Variants in CNTLN observed in about 807,000 individuals in gnomAD.
The protein encoded by CNTLN is centlein.
In CNTLN, 212 loss-of-function variants were observed where a neutral mutation model predicts 180.0. The observed-to-expected ratio is 1.18, with a 90% CI of 1.05 to 1.32. The LOEUF (loss-of-function observed/expected upper bound fraction) is 1.32, where lower values mean the gene tolerates loss of function less well. CNTLN is among the 40% of genes most tolerant of loss of function. The pLI is 0.00. For synonymous variants in CNTLN, 722 were observed against 563.1 expected (o/e 1.28, Z -3.99); for missense variants, 2,095 against 1,610.9 (o/e 1.30, Z -5.14).
intron 2 of CNTLN, among the ~76,000 whole-genome samples, chr9:17,177,176 G>A (rs1486762436): frequency 1.3e-5 from 2 of 152,160 alleles, no homozygotes; most frequent in Admixed American, 6.5e-5. Context: ...TTGGGAGGCT[G>A]AGGCAGGCAG....
At chr9:17,257,882 T>A (rs1826630694) in intron 5 of CNTLN, among the ~76,000 whole-genome samples, 1 of 141,524 alleles carries the variant, frequency 7.1e-6, no homozygotes, top group Non-Finnish European at 1.5e-5. Flanking sequence ...TATTAGCCCT[T>A]TGTCAGATGA....
intron 16 of CNTLN, among the ~76,000 whole-genome samples, chr9:17,413,631 G>T (rs1337382307): frequency 1.3e-5 from 2 of 152,096 alleles, no homozygotes; most frequent in Non-Finnish European, 2.9e-5. Flanking sequence ...ACCAAAAAAG[G>T]ATATACGGAT....
At chr9:17,191,827 G>C (rs936340385) in intron 2 of CNTLN, among the ~76,000 whole-genome samples, 3 of 152,160 alleles carry the variant, frequency 2.0e-5, no homozygotes, top group African/African-American at 7.2e-5. Context: ...AAACAGAAAA[G>C]AAAAACATGA....
rs188349671 is a variant in CNTLN at position 17,309,998 on chromosome 9, A to T, written c.1341+746A>T. On this transcript the variant is annotated intron_variant, in intron 8 of 25. Coordinates refer to ENST00000380647, the MANE Select transcript of CNTLN (RefSeq NM_017738.4). ...TAACCTTATGACAACAATTTTTAAA[A>T]TTGTACCATATTGTATGCATTTTTT... 2.0e-3 allele frequency among the ~76,000 whole-genome samples: 311 copies of T among 152,230 alleles called. 1 individual carries two copies. Among genetic ancestry groups the T allele is most frequent in the African/African-American group, 7.2e-3 (298 of 41,562 alleles).
intron 23 of CNTLN, among the ~76,000 whole-genome samples, chr9:17,474,658 C>T (rs1402505261): frequency 2.0e-5 from 3 of 152,192 alleles, no homozygotes; most frequent in Middle Eastern, 6.8e-3. Context: ...CACTTGAAGC[C>T]AGGAGTTCAA....
chr9:17,375,854 C>A (rs1318800773), intron 13 of CNTLN, among the ~76,000 whole-genome samples: 1 of 152,034 alleles, frequency 6.6e-6, no homozygotes, highest in African/African-American at 2.4e-5. Flanking sequence ...TTTATTAAAG[C>A]CAAGATAACT....
At position 17,457,829 on chromosome 9, in the gene CNTLN, CA is replaced by C. The variant is rs540677956; in HGVS notation, c.3306+120del. The C allele has an allele frequency of 2.7e-5, 18 of 655,040 alleles. No individual in the cohort carries two copies. The South Asian group carries it at 8.4e-4, about 31-fold the overall frequency. The allele number at this position is 655,040 out of a possible 1,614,324, so 40.6% of individuals were successfully genotyped here. ...AAGGTAAATTATGTTATAGATAATCCAAAAAATTATTAATATTGCCTTCATC... is the reference window on the plus strand; with the variant it reads ...AAGGTAAATTATGTTATAGATAATCCAAAAATTATTAATATTGCCTTCATC... On this transcript the variant is annotated intron_variant, in intron 19 of 25. Transcript: ENST00000380647.
At chr9:17,172,705 A>G (rs186336226) in intron 2 of CNTLN, among the ~76,000 whole-genome samples, 133 of 152,302 alleles carry the variant, frequency 8.7e-4, no homozygotes, top group Admixed American at 5.0e-3. Context: ...AAAAAAGGGA[A>G]ATTTTACTTA....
chr9:17,428,986 A>G (rs1176167633), intron 18 of CNTLN, among the ~76,000 whole-genome samples: 1 of 152,018 alleles, frequency 6.6e-6, no homozygotes, highest in African/African-American at 2.4e-5. Flanking sequence ...GTTAGTGTCT[A>G]TTATCGTGAG....
chr9:17,235,917 CAT>C, intron 4 of CNTLN, 125 bp downstream of exon 4: 3 of 867,886 alleles, frequency 3.5e-6, no homozygotes, highest in Non-Finnish European at 5.1e-6. Flanking sequence ...CCTCCTGTAC[CAT>C]ACAGTTTTCT....
At chr9:17,192,084 T>C (rs910843349) in intron 2 of CNTLN, among the ~76,000 whole-genome samples, 3 of 152,212 alleles carry the variant, frequency 2.0e-5, no homozygotes, top group Admixed American at 6.6e-5. Flanking sequence ...ATCATAAGTA[T>C]ACATTTGTGA....
intron 5 of CNTLN, among the ~76,000 whole-genome samples, chr9:17,237,408 G>T (rs1249897190): frequency 8.4e-6 from 1 of 118,802 alleles, no homozygotes; most frequent in African/African-American, 3.2e-5. Flanking sequence ...CACACACACG[G>T]TTAGTCAACA....
At chr9:17,490,200 A>T (rs1378138561) in intron 25 of CNTLN, among the ~76,000 whole-genome samples, 1 of 152,066 alleles carries the variant, frequency 6.6e-6, no homozygotes, top group African/African-American at 2.4e-5. Context: ...ACATTGTAGG[A>T]TGGTTGGAGA....
At chr9:17,170,941 C>T (rs1160310950) in intron 2 of CNTLN, among the ~76,000 whole-genome samples, 1 of 152,140 alleles carries the variant, frequency 6.6e-6, no homozygotes, top group African/African-American at 2.4e-5. Context: ...AGTACAGTAA[C>T]ATGCTGTACA....
In CNTLN at chr9:17,288,420, A is replaced by C. The variant is rs541921251; in HGVS notation, c.984-9770A>C. 3.0e-4 allele frequency among the ~76,000 whole-genome samples: 42 copies of C among 142,246 alleles called. No homozygotes were observed. The South Asian group carries it at 0.011, about 37-fold the overall frequency. The allele number at this position is 142,246 out of a possible 152,430, so 93.3% of individuals were successfully genotyped here. On this transcript the variant is annotated intron_variant, in intron 6 of 25. Transcript: ENST00000380647. ...TTTTACATTTGCTGAGGAGAACTTTACTTCCCAGTATGTGGTCAATTTTGG... is the reference window on the plus strand; with the variant it reads ...TTTTACATTTGCTGAGGAGAACTTTCCTTCCCAGTATGTGGTCAATTTTGG...
intron 21 of CNTLN, among the ~76,000 whole-genome samples, chr9:17,464,999 T>TA (rs1190944896): frequency 6.6e-6 from 1 of 151,236 alleles, no homozygotes; most frequent in African/African-American, 2.4e-5. Context: ...AGAAGTTCTT[T>TA]AAAAATGTAC....
At chr9:17,293,693 C>T (rs673587) in intron 6 of CNTLN, among the ~76,000 whole-genome samples, 26,692 of 152,142 alleles carry the variant, frequency 0.18, 2,640 homozygotes, top group South Asian at 0.28. Context: ...CCCTACTCCC[C>T]GGGAACTCAG....
At chr9:17,431,156 T>A (rs1829396240) in intron 18 of CNTLN, among the ~76,000 whole-genome samples, 1 of 152,142 alleles carries the variant, frequency 6.6e-6, no homozygotes, top group Admixed American at 6.5e-5. Context: ...TGTACTAATT[T>A]GCATGTCCAT....
chr9:17,327,858 C>T (rs924704515), intron 8 of CNTLN, among the ~76,000 whole-genome samples: 1 of 151,742 alleles, frequency 6.6e-6, no homozygotes, highest in African/African-American at 2.4e-5. Context: ...GAGGCTGAGG[C>T]AGGAGAATTG....
Sources: allele counts gnomAD v4.1 joint callset (sites outside exome capture counted in the v4.1 genomes callset), GRCh38; gene constraint gnomAD v4.1.1; transcripts MANE v1.5; gene names NCBI Gene and HGNC (gene_info 2026-07-23, HGNC 2026-07-21).